The following ITFG1 variants were observed in gnomAD, a reference collection of about 807,000 sequenced individuals.
The protein encoded by ITFG1 is integrin alpha FG-GAP repeat containing 1, also known as T-cell immunomodulatory protein.
ITFG1 carries 34 observed loss-of-function variants against 81.8 expected under a neutral mutation model. The observed-to-expected ratio is 0.42, with a 90% CI of 0.32 to 0.55. ITFG1 has a LOEUF of 0.55. Among genes scored for constraint, ITFG1 ranks in the 20% least tolerant of loss-of-function variants. The probability of loss-of-function intolerance (pLI) is 0.17; values close to 1 mark genes in which losing one functional copy is unlikely to be tolerated. For missense variants in ITFG1, 672 were observed against 755.4 expected (o/e 0.89, Z 1.29); for synonymous variants, 285 against 270.6 (o/e 1.05, Z -0.52).
chr16:47,209,570 A>C (rs1965541157), intron 14 of ITFG1, among the ~76,000 whole-genome samples: 2 of 152,158 alleles, frequency 1.3e-5, no homozygotes, highest in Admixed American at 6.5e-5. Flanking sequence ...GTTTTCTCCC[A>C]TGGTAACATC....
intron 8 of ITFG1, among the ~76,000 whole-genome samples, chr16:47,316,891 G>C (rs550770496): frequency 2.0e-5 from 3 of 152,280 alleles, no homozygotes; most frequent in African/African-American, 7.2e-5. Context: ...CATGCTGATG[G>C]AGATGCTAGC....
chr16:47,173,144 G>A (rs1964980778), intron 14 of ITFG1, among the ~76,000 whole-genome samples: 2 of 152,154 alleles, frequency 1.3e-5, no homozygotes, highest in Admixed American at 6.5e-5. Flanking sequence ...TTCTCAGAGA[G>A]GCTTGCTCTG....
chr16:47,202,998 G>T (rs1965445652), intron 14 of ITFG1, among the ~76,000 whole-genome samples: 1 of 151,786 alleles, frequency 6.6e-6, no homozygotes, highest in Non-Finnish European at 1.5e-5. Flanking sequence ...TCTGCTTTTG[G>T]GTATATACCC....
At chr16:47,404,376 T>G (rs1968701723) in intron 6 of ITFG1, among the ~76,000 whole-genome samples, 1 of 152,198 alleles carries the variant, frequency 6.6e-6, no homozygotes, top group African/African-American at 2.4e-5. Flanking sequence ...AGAAATTTAG[T>G]GAAAAATGAA....
intron 1 of ITFG1, 84 bp downstream of exon 1, chr16:47,460,754 G>T: frequency 1.4e-6 from 2 of 1,414,162 alleles, no homozygotes; most frequent in Non-Finnish European, 2.0e-6. Flanking sequence ...AATGCAGAAG[G>T]ACCGGCCATT....
chr16:47,415,415 C>A (rs753354982), intron 6 of ITFG1, among the ~76,000 whole-genome samples: 1 of 152,040 alleles, frequency 6.6e-6, no homozygotes. Context: ...GATCAGGTTA[C>A]TATAAAGAAT....
intron 12 of ITFG1, among the ~76,000 whole-genome samples, chr16:47,248,843 G>A (rs1966032939): frequency 6.6e-6 from 1 of 152,068 alleles, no homozygotes; most frequent in Non-Finnish European, 1.5e-5. Flanking sequence ...ATACATAAAG[G>A]GCCCATTATG....
intron 8 of ITFG1, among the ~76,000 whole-genome samples, chr16:47,356,629 C>T (rs1200904852): frequency 6.6e-6 from 1 of 152,114 alleles, no homozygotes; most frequent in Admixed American, 6.5e-5. Flanking sequence ...CATCCATCAC[C>T]CACCATTCAT....
intron 14 of ITFG1, among the ~76,000 whole-genome samples, chr16:47,167,334 CG>C (rs1164471988): frequency 6.6e-6 from 1 of 152,168 alleles, no homozygotes; most frequent in African/African-American, 2.4e-5. Context: ...CCTGAAGTAA[CG>C]GAAGAATCAC....
intron 15 of ITFG1, among the ~76,000 whole-genome samples, chr16:47,162,215 A>T (rs1964817635): frequency 6.6e-6 from 1 of 151,844 alleles, no homozygotes; most frequent in South Asian, 2.1e-4. Flanking sequence ...ACACATATGT[A>T]TAATAATATT....
rs552191616 is a variant in ITFG1, at chr16:47,443,404, A to G, written c.560+7992T>C. Among the ~76,000 whole-genome samples, 3 of 152,314 alleles carry G rather than the reference A, an allele frequency of 2.0e-5. No homozygotes were observed. The South Asian group carries it at 6.2e-4, about 32-fold the overall frequency. Reference sequence around the variant, plus strand: ...CCAGACGTCCCATTACTGGGTATATACCCAAAGGATTATAAATCATGCTGC... The same window carrying G: ...CCAGACGTCCCATTACTGGGTATATGCCCAAAGGATTATAAATCATGCTGC... On this transcript the variant is annotated intron_variant, in intron 5 of 17. Coordinates refer to ENST00000320640, the MANE Select transcript of ITFG1 (RefSeq NM_030790.5).
chr16:47,329,153 A>G (rs1168209478), intron 8 of ITFG1, among the ~76,000 whole-genome samples: 1 of 152,182 alleles, frequency 6.6e-6, no homozygotes, highest in Non-Finnish European at 1.5e-5. Flanking sequence ...AAAAGCTTTC[A>G]TTTAATCCTA....
chr16:47,183,362 G>A (rs1322000552), intron 14 of ITFG1, among the ~76,000 whole-genome samples: 1 of 152,180 alleles, frequency 6.6e-6, no homozygotes, highest in East Asian at 1.9e-4. Flanking sequence ...AGTAACCTCT[G>A]CAGACTTAAA....
intron 10 of ITFG1, among the ~76,000 whole-genome samples, chr16:47,287,973 A>T (rs1460848705): frequency 6.6e-6 from 1 of 152,188 alleles, no homozygotes; most frequent in Non-Finnish European, 1.5e-5. Flanking sequence ...TAAGAACTTC[A>T]ACTGCTGACA....
At chr16:47,289,100 T>C (rs889870284) in intron 10 of ITFG1, among the ~76,000 whole-genome samples, 2 of 152,214 alleles carry the variant, frequency 1.3e-5, no homozygotes, top group African/African-American at 4.8e-5. Context: ...TCGATATTTA[T>C]TGAGATGACC....
chr16:47,441,417 G>T (rs1302213296), intron 5 of ITFG1, among the ~76,000 whole-genome samples: 8 of 152,172 alleles, frequency 5.3e-5, no homozygotes, highest in Non-Finnish European at 1.2e-4. Context: ...GAACATTGAT[G>T]CACAAATCCT....
chr16:47,428,878 G>C lies in ITFG1; in HGVS notation c.581C>G (p.Ala194Gly). 2.5e-6 allele frequency: 4 copies of C among 1,594,170 alleles called. No individual in the cohort carries two copies. In the South Asian group the frequency reaches 4.5e-5, roughly 18 times the overall value. ...LLGGNLSWHP[A>G]LTTTSKMRIP... ...TCGCATTTTACTTGTAGTGGTCAAT[G>C]CTGGATGCCATGATAAATTCCTAAA... Residue 194 changes from alanine to glycine, a missense_variant, in exon 6 of 18, where the codon GCA becomes GGA. Ala to Gly is a moderately conservative substitution (Grantham distance 60). Coordinates refer to ENST00000320640, the MANE Select transcript of ITFG1 (RefSeq NM_030790.5).
intron 10 of ITFG1, among the ~76,000 whole-genome samples, chr16:47,308,357 G>T (rs1039992932): frequency 8.5e-5 from 13 of 152,178 alleles, no homozygotes; most frequent in African/African-American, 3.1e-4. Flanking sequence ...TCCCACAGAT[G>T]TAGGCCTTTG....
At chr16:47,398,321 T>C (rs1267617180) in intron 6 of ITFG1, among the ~76,000 whole-genome samples, 1 of 152,204 alleles carries the variant, frequency 6.6e-6, no homozygotes, top group African/African-American at 2.4e-5. Flanking sequence ...TCAAGAAGTA[T>C]CTGGATTCCT....
Sources: allele counts gnomAD v4.1 joint callset (sites outside exome capture counted in the v4.1 genomes callset), GRCh38; gene constraint gnomAD v4.1.1; transcripts MANE v1.5; gene names NCBI Gene and HGNC (gene_info 2026-07-23, HGNC 2026-07-21).